The following RXFP2 variants were observed in gnomAD, a reference collection of about 807,000 sequenced individuals.
RXFP2 encodes the protein relaxin family peptide receptor 2.
In RXFP2, 68 loss-of-function variants were observed where a neutral mutation model predicts 88.6. That is an observed-to-expected ratio of 0.77 (90% CI 0.63 to 0.94). The LOEUF (loss-of-function observed/expected upper bound fraction) is 0.94. Ranked by LOEUF, RXFP2 falls within the 40% of genes least tolerant of loss-of-function variation. RXFP2 has a pLI of 0.00. For synonymous variants in RXFP2, 329 were observed against 306.8 expected (o/e 1.07, Z -0.76); for missense variants, 791 against 893.9 (o/e 0.88, Z 1.47).
At chr13:31,780,068 C>A (rs1430508829) in intron 9 of RXFP2, among the ~76,000 whole-genome samples, 1 of 152,196 alleles carries the variant, frequency 6.6e-6, no homozygotes, top group African/African-American at 2.4e-5. Context: ...GCTCAGCCTG[C>A]TCTCCCTCCC....
chr13:31,770,591 T>C (rs1233859116), intron 5 of RXFP2, among the ~76,000 whole-genome samples: 2 of 152,190 alleles, frequency 1.3e-5, no homozygotes, highest in African/African-American at 2.4e-5. Context: ...TTTTATATTA[T>C]CTCACAACAT....
rs1388275906 is a variant in RXFP2, at chr13:31,757,580, T to TTATTAA, written c.95-677_95-676insATTAAT. On this transcript the variant is annotated intron_variant, in intron 1 of 17. Coordinates refer to ENST00000298386, the MANE Select transcript of RXFP2 (RefSeq NM_130806.5). ...ATTTTTATCATGTCACCTCAAGTCC[T>TTATTAA]TCTTGTAAAAGATTAATAAGTAAAT... is the stretch of plus-strand genomic sequence containing the variant. 2.6e-5 allele frequency among the ~76,000 whole-genome samples: 4 copies of TTATTAA among 152,370 alleles called. No individual in the cohort carries two copies. In the East Asian group the frequency reaches 7.7e-4, roughly 29 times the overall value.
intron 17 of RXFP2, among the ~76,000 whole-genome samples, 181 bp from the exon 18 acceptor site, chr13:31,801,965 C>T (rs1289431638): frequency 6.6e-6 from 1 of 152,186 alleles, no homozygotes; most frequent in Non-Finnish European, 1.5e-5. Context: ...AAAGTTAAAT[C>T]GTTAAGACCT....
chr13:31,765,977 CCA>C lies in RXFP2; in HGVS notation c.450_451del (p.His150GlnfsTer5). On this transcript the variant is annotated frameshift_variant, in exon 5 of 18. Transcript: ENST00000298386. LOFTEE classifies it high-confidence loss of function. ...TLLSLKKNKIHSLPDKVFIKY... is the reference protein window; with the variant it reads ...TLLSLKKNKIXSLPDKVFIKY... ...TTAGGTCTCTTAAGAAAAACAAAAT[CCA>C]CAGTCTTCCAGATAAAGTTTTCATC... is the stretch of plus-strand genomic sequence containing the variant. The C allele has an allele frequency of 6.5e-7, 1 of 1,542,328 alleles. No individual in the cohort carries two copies. The highest frequency in any genetic ancestry group is 8.9e-7 in the Non-Finnish European group (1 of 1,117,564).
intron 3 of RXFP2, among the ~76,000 whole-genome samples, chr13:31,763,565 G>A (rs896811666): frequency 6.6e-6 from 1 of 152,170 alleles, no homozygotes; most frequent in Admixed American, 6.5e-5. Flanking sequence ...TGATAAAAGA[G>A]TTACTGGTTA....
At chr13:31,782,797 T>C (rs1209274261) in intron 11 of RXFP2, 50 bp downstream of exon 11, 2 of 1,188,192 alleles carry the variant, frequency 1.7e-6, no homozygotes, top group Non-Finnish European at 2.5e-6. Flanking sequence ...TCCGAGATTA[T>C]AAATTTAAAT....
chr13:31,765,832 T>G, intron 4 of RXFP2, 124 bp from the exon 5 acceptor site: 1 of 636,860 alleles, frequency 1.6e-6, no homozygotes, highest in Non-Finnish European at 2.8e-6. Context: ...GTTATTGTCA[T>G]GTTCAAATAT....
intron 17 of RXFP2, among the ~76,000 whole-genome samples, chr13:31,800,298 A>T (rs1874269498): frequency 6.6e-6 from 1 of 152,170 alleles, no homozygotes; most frequent in South Asian, 2.1e-4. Flanking sequence ...AGCTGCTGCT[A>T]ATCTTATAAG....
At position 31,763,262 on chromosome 13, in the gene RXFP2, C is replaced by A. The variant is rs578257987; in HGVS notation, c.319+1461C>A. On this transcript the variant is annotated intron_variant, in intron 3 of 17. Coordinates refer to ENST00000298386, the MANE Select transcript of RXFP2 (RefSeq NM_130806.5). Reference sequence around the variant, plus strand: ...ACCATGCCTGGCTAATTTTCATATTCTTTGTAGAGATGGGGTCTTACCATG... The same window carrying A: ...ACCATGCCTGGCTAATTTTCATATTATTTGTAGAGATGGGGTCTTACCATG... Among the ~76,000 whole-genome samples, 22 of 151,958 alleles carry A rather than the reference C, an allele frequency of 1.4e-4. No individual in the cohort carries two copies. In the East Asian group the frequency reaches 4.3e-3, roughly 29 times the overall value.
intron 17 of RXFP2, among the ~76,000 whole-genome samples, chr13:31,800,897 AT>A (rs1394415485): frequency 2.0e-5 from 3 of 152,106 alleles, no homozygotes; most frequent in African/African-American, 4.8e-5. Flanking sequence ...CTAAAACATA[AT>A]TTTTTTCTTT....
chr13:31,765,064 A>C lies in RXFP2; in HGVS notation c.347A>C (p.Asp116Ala). ...CFLKQYPQCC[D>A]CKETELECVN... ...CTAAAACAGTATCCACAATGCTGTG[A>C]CTGCAAAGAAACTGAATTGGAATGT... Residue 116 changes from aspartate to alanine, a missense_variant, in exon 4 of 18, where the codon GAC (aspartate) becomes GCC (alanine). Coordinates refer to ENST00000298386, the MANE Select transcript of RXFP2 (RefSeq NM_130806.5). 1 of 1,609,328 alleles carries C rather than the reference A, an allele frequency of 6.2e-7. No homozygotes were observed. Among genetic ancestry groups the C allele is most frequent in the Non-Finnish European group, 8.5e-7 (1 of 1,175,870 alleles).
Position 31,758,285 on chromosome 13 carries a change from T to C in RXFP2, c.122T>C (p.Ile41Thr). The C allele has an allele frequency of 1.9e-6, 3 of 1,614,066 alleles. No homozygotes were observed. Among genetic ancestry groups the C allele is most frequent in the Non-Finnish European group, 2.5e-6 (3 of 1,179,914 alleles). ...TTTGCACTGACTCAAGGTAGCATGA[T>C]CACTCCTTCATGCCAAAAAGGATAT... ...KDFALTQGSM[I>T]TPSCQKGYFP... The change falls in exon 2 of 18, where the codon ATC (isoleucine) becomes ACC (threonine). Residue 41 changes from isoleucine (I) to threonine (T), a missense_variant. Ile to Thr is a moderately conservative substitution (Grantham distance 89, BLOSUM62 -1). Coordinates refer to ENST00000298386, the MANE Select transcript of RXFP2 (RefSeq NM_130806.5).
Position 31,786,003 on chromosome 13 carries a change from G to A in RXFP2, c.930-380G>A, listed in dbSNP as rs10492608. 4.4e-3 allele frequency among the ~76,000 whole-genome samples: 672 copies of A among 152,360 alleles called. 2 individuals carry two copies. Among genetic ancestry groups the A allele is most frequent in the Non-Finnish European group, 7.1e-3 (486 of 68,040 alleles). On this transcript the variant is annotated intron_variant, in intron 11 of 17. Transcript: ENST00000298386. The stretch of plus-strand genomic sequence containing the variant: ...AAGATGCAAGACTTGACCTCGAAAA[G>A]TGTAGTTGGATAAACAAGAGACCAC...
rs372185025 is a variant in RXFP2, at chr13:31,799,459, C to T, written c.2005+2040C>T. Among the ~76,000 whole-genome samples, 4 of 152,204 alleles carry T rather than the reference C, an allele frequency of 2.6e-5. No homozygotes were observed. The South Asian group carries it at 6.2e-4, about 24-fold the overall frequency. Reference sequence around the variant, plus strand: ...ACTCCTGACCCCAAGTGATCTGCCCCCTGCTTTGGCCTCCTAAAGTGCTGG... The same window carrying T: ...ACTCCTGACCCCAAGTGATCTGCCCTCTGCTTTGGCCTCCTAAAGTGCTGG... On this transcript the variant is annotated intron_variant, in intron 17 of 17. Coordinates refer to ENST00000298386, the MANE Select transcript of RXFP2 (RefSeq NM_130806.5).
At position 31,758,388 on chromosome 13, in the gene RXFP2, G is replaced by T; in HGVS notation, c.225G>T (p.Ala75=). 1 of 1,614,042 alleles carries T rather than the reference G, an allele frequency of 6.2e-7. No homozygotes were observed. Among genetic ancestry groups the T allele is most frequent in the Non-Finnish European group, 8.5e-7 (1 of 1,179,984 alleles). Residue 75 remains alanine (A), a synonymous_variant, in exon 2 of 18, where the codon GCG becomes GCT. Transcript: ENST00000298386. ...CDGKDDCGNG[A]DEENCGDTSG... is the part of the protein sequence containing the mutation. ...GCAAGGATGACTGTGGGAACGGGGC[G>T]GACGAAGAGAACTGTGGTGAGTGCT... is the stretch of plus-strand genomic sequence containing the variant.
chr13:31,777,555 T>G (rs1873050467), intron 8 of RXFP2, 108 bp downstream of exon 8: 2 of 799,296 alleles, frequency 2.5e-6, no homozygotes, highest in Non-Finnish European at 4.2e-6. Flanking sequence ...AAAATTTTTA[T>G]TAGTCAAAAC....
At chr13:31,778,046 A>G (rs1382914223) in intron 8 of RXFP2, among the ~76,000 whole-genome samples, 1 of 152,188 alleles carries the variant, frequency 6.6e-6, no homozygotes, top group Admixed American at 6.5e-5. Flanking sequence ...TAACATGCTC[A>G]AGAGTTGTTT....
chr13:31,767,421 C>CT (rs932337263), intron 5 of RXFP2, among the ~76,000 whole-genome samples: 141 of 152,284 alleles, frequency 9.3e-4, no homozygotes, highest in African/African-American at 3.3e-3. Flanking sequence ...TAACCACATT[C>CT]TTCCTAGTCT....
intron 1 of RXFP2, among the ~76,000 whole-genome samples, chr13:31,744,070 C>T (rs1871313795): frequency 6.6e-6 from 1 of 152,106 alleles, no homozygotes; most frequent in African/African-American, 2.4e-5. Context: ...TTGGCCTTTG[C>T]CTTCTTTCTA....
Sources: allele counts gnomAD v4.1 joint callset (sites outside exome capture counted in the v4.1 genomes callset), GRCh38; gene constraint gnomAD v4.1.1; transcripts MANE v1.5; gene names NCBI Gene and HGNC (gene_info 2026-07-23, HGNC 2026-07-21).